Variants in INPP4B observed in about 807,000 individuals in gnomAD.
INPP4B encodes inositol polyphosphate-4-phosphatase type II B.
Under a neutral mutation model 122.5 loss-of-function variants are expected in INPP4B, and 55 were observed. The observed-to-expected ratio is 0.45, with a 90% CI of 0.36 to 0.56. The LOEUF (loss-of-function observed/expected upper bound fraction) is 0.56. INPP4B is among the 20% of genes least tolerant of loss of function. The pLI is 0.00. For missense variants in INPP4B, 1,000 were observed against 1,097.7 expected (o/e 0.91, Z 1.26); for synonymous variants, 403 against 388.7 (o/e 1.04, Z -0.43).
At chr4:142,511,098 T>C (rs936891845) in intron 2 of INPP4B, among the ~76,000 whole-genome samples, 6 of 152,206 alleles carry the variant, frequency 3.9e-5, no homozygotes, top group Non-Finnish European at 8.8e-5. Flanking sequence ...TTTCTCTTTA[T>C]GAGCTCCACA....
chr4:142,169,081 T>C (rs1198314201), intron 16 of INPP4B, among the ~76,000 whole-genome samples: 1 of 151,666 alleles, frequency 6.6e-6, no homozygotes, highest in African/African-American at 2.4e-5. Context: ...GAAGTTCTGA[T>C]TCCATAAATT....
chr4:142,029,180 C>A (rs1301007276), intron 25 of INPP4B: 2 of 1,126,886 alleles, frequency 1.8e-6, no homozygotes, highest in African/African-American at 3.2e-5. Flanking sequence ...ATAATTTGCT[C>A]CACAATACAG....
At chr4:142,667,811 G>A (rs1756377862) in intron 2 of INPP4B, among the ~76,000 whole-genome samples, 1 of 152,126 alleles carries the variant, frequency 6.6e-6, no homozygotes, top group Non-Finnish European at 1.5e-5. Flanking sequence ...GTATAGAGGT[G>A]CAAATCTGAA....
Position 142,660,281 on chromosome 4 carries a change from G to C in INPP4B, c.-191+65558C>G, listed in dbSNP as rs571287101. 2.6e-5 allele frequency among the ~76,000 whole-genome samples: 4 copies of C among 152,270 alleles called. No homozygotes were observed. The South Asian group carries it at 8.3e-4, about 32-fold the overall frequency. On this transcript the variant is annotated intron_variant, in intron 2 of 25. Coordinates refer to ENST00000262992, the MANE Select transcript of INPP4B (RefSeq NM_001101669.3). ...GATGCAAGGATGGAAGAGGGAAAGA[G>C]GATGCTGTTCTCTCTCTCCCTCACT... is the stretch of plus-strand genomic sequence containing the variant.
At chr4:142,329,342 G>A (rs2151512845) in intron 7 of INPP4B, among the ~76,000 whole-genome samples, 1 of 152,232 alleles carries the variant, frequency 6.6e-6, no homozygotes, top group South Asian at 2.1e-4. Flanking sequence ...AAGTGCAAAG[G>A]CACTGAGGCC....
intron 12 of INPP4B, among the ~76,000 whole-genome samples, chr4:142,223,227 C>T (rs746720767): frequency 6.6e-6 from 1 of 152,006 alleles, no homozygotes; most frequent in African/African-American, 2.4e-5. Flanking sequence ...CACACACACA[C>T]TATAGTCATA....
chr4:142,366,074 A>C (rs2148622689), intron 7 of INPP4B, among the ~76,000 whole-genome samples: 1 of 152,174 alleles, frequency 6.6e-6, no homozygotes, highest in Admixed American at 6.6e-5. Flanking sequence ...ACATTCCACC[A>C]TTGTAATTTG....
intron 2 of INPP4B, among the ~76,000 whole-genome samples, chr4:142,575,244 G>A (rs1733608051): frequency 1.3e-5 from 2 of 151,882 alleles, no homozygotes; most frequent in African/African-American, 4.8e-5. Flanking sequence ...AAAAAAAAAG[G>A]GGAAATGAAG....
chr4:142,186,665 C>G (rs1579215181), intron 15 of INPP4B, among the ~76,000 whole-genome samples: 1 of 152,172 alleles, frequency 6.6e-6, no homozygotes, highest in Non-Finnish European at 1.5e-5. Context: ...TTCAACTATA[C>G]AAGCCTCTTT....
At chr4:142,711,854 C>G (rs1314866152) in intron 2 of INPP4B, among the ~76,000 whole-genome samples, 2 of 152,116 alleles carry the variant, frequency 1.3e-5, no homozygotes, top group Non-Finnish European at 2.9e-5. Flanking sequence ...TCGAGACCAG[C>G]CTGGCCAAAA....
rs1796840540 is a variant in INPP4B, at chr4:142,122,219, T to C, written c.2044A>G (p.Met682Val). The C allele has an allele frequency of 1.2e-6, 2 of 1,611,734 alleles. No homozygotes were observed. Among genetic ancestry groups the C allele is most frequent in the Non-Finnish European group, 1.7e-6 (2 of 1,178,878 alleles). Residue 682 changes from methionine (M) to valine (V), a missense_variant, in exon 21 of 26, where the codon ATG becomes GTG. Transcript: ENST00000262992. ...YSDEIGMLED[M>V]AVGISDLKKV... Reference sequence around the variant, plus strand: ...TTTAAATCGGAAATGCCAACGGCCATGTCCTCTAGCATTCCAATTTCATCG... The same window carrying C: ...TTTAAATCGGAAATGCCAACGGCCACGTCCTCTAGCATTCCAATTTCATCG...
At chr4:142,370,147 G>A (rs1052604297) in intron 7 of INPP4B, among the ~76,000 whole-genome samples, 3 of 152,086 alleles carry the variant, frequency 2.0e-5, no homozygotes, top group Non-Finnish European at 2.9e-5. Context: ...AGATGCTCAA[G>A]GTCACAGACA....
At chr4:142,672,833 C>A (rs1205188586) in intron 2 of INPP4B, among the ~76,000 whole-genome samples, 1 of 152,098 alleles carries the variant, frequency 6.6e-6, no homozygotes, top group African/African-American at 2.4e-5. Context: ...AAGACTTTCT[C>A]CATAGTTTCC....
rs149194186 is a variant in INPP4B at position 142,136,452 on chromosome 4, G to A, written c.1720+9388C>T. Among the ~76,000 whole-genome samples the A allele has an allele frequency of 4.9e-3, 749 of 152,348 alleles. 3 individuals are homozygous for A. The highest frequency in any genetic ancestry group is 0.016 in the African/African-American group (678 of 41,580). ...ACAGGGCTCTGCTGAGTGAGAGGCC[G>A]TGTGTGACCACATTGGTCTCACACT... On this transcript the variant is annotated intron_variant, in intron 18 of 25. Coordinates refer to ENST00000262992, the MANE Select transcript of INPP4B (RefSeq NM_001101669.3).
At chr4:142,431,416 C>T in intron 3 of INPP4B, 31 bp from the exon 4 acceptor site, 2 of 614,986 alleles carry the variant, frequency 3.3e-6, no homozygotes, top group East Asian at 2.8e-5. Context: ...AAATTTCAGT[C>T]ATATTGGAGT....
chr4:142,053,298 G>A (rs1755647916), intron 25 of INPP4B, among the ~76,000 whole-genome samples: 1 of 152,072 alleles, frequency 6.6e-6, no homozygotes, highest in South Asian at 2.1e-4. Context: ...GATCAGATAT[G>A]TATTTTGAAA....
chr4:142,485,117 A>G (rs983013189), intron 2 of INPP4B, among the ~76,000 whole-genome samples: 1 of 152,090 alleles, frequency 6.6e-6, no homozygotes, highest in African/African-American at 2.4e-5. Flanking sequence ...GCATGCACCA[A>G]TAAATTTTTT....
At chr4:142,483,405 G>T (rs906439415) in intron 2 of INPP4B, among the ~76,000 whole-genome samples, 9 of 151,930 alleles carry the variant, frequency 5.9e-5, no homozygotes, top group African/African-American at 1.9e-4. Flanking sequence ...ACTTTGCCAT[G>T]ATAGCTCCCC....
At chr4:142,227,159 G>T (rs1254180219) in intron 12 of INPP4B, among the ~76,000 whole-genome samples, 2 of 152,100 alleles carry the variant, frequency 1.3e-5, no homozygotes, top group African/African-American at 4.8e-5. Flanking sequence ...TGGGAGAGCT[G>T]GGATACTTAG....
Sources: gnomAD v4.1 joint callset for allele counts (sites outside exome capture counted in the v4.1 genomes callset) on GRCh38, gnomAD v4.1.1 for gene constraint, MANE v1.5 for transcripts, NCBI Gene and HGNC (gene_info 2026-07-23, HGNC 2026-07-21) for gene names.